The following WNT10B variants were observed in gnomAD, a reference collection of about 807,000 sequenced individuals.
The protein encoded by WNT10B is Wnt family member 10B.
A neutral mutation model predicts 32.7 loss-of-function variants in WNT10B; 26 were observed. That is an observed-to-expected ratio of 0.79 (90% confidence interval 0.58 to 1.10). The LOEUF is 1.10. Ranked by LOEUF, WNT10B falls within the 50% of genes least tolerant of loss-of-function variation. The pLI is 0.00. For synonymous variants in WNT10B, 204 were observed against 220.4 expected (o/e 0.93, Z 0.66); for missense variants, 474 against 532.5 (o/e 0.89, Z 1.08).
Position 48,970,144 on chromosome 12 carries a change from G to A in WNT10B, c.282C>T (p.Cys94=), listed in dbSNP as rs1940824144. The A allele has an allele frequency of 1.3e-6, 2 of 1,538,688 alleles. No homozygotes were observed. Among genetic ancestry groups the A allele is most frequent in the African/African-American group, 2.7e-5 (2 of 72,970 alleles). ...GGCGGCCGCCGCCCTCAAGCGCGGAGCAGTTCCAGCGCTGGTCGCGCAGCT... is the reference window on the plus strand; with the variant it reads ...GGCGGCCGCCGCCCTCAAGCGCGGAACAGTTCCAGCGCTGGTCGCGCAGCT... ...QHQLRDQRWN[C]SALEGGGRLP... is the part of the protein sequence containing the mutation. The change falls in exon 3 of 5, where the codon TGC becomes TGT. Residue 94 remains cysteine (C), a synonymous_variant. Coordinates refer to ENST00000301061, the MANE Select transcript of WNT10B (RefSeq NM_003394.4). The surrounding 1 kb of genome is among the most constrained non-coding windows in gnomAD (Gnocchi z 5.0).
At chr12:48,969,188 C>A in intron 3 of WNT10B, 1 of 466,920 alleles carries the variant, frequency 2.1e-6, no homozygotes, top group Non-Finnish European at 4.4e-6. Flanking sequence ...TAGGCAGGGG[C>A]TCTCCGGAGC....
At chr12:48,969,830 C>CG (rs1373780236) in intron 3 of WNT10B, among the ~76,000 whole-genome samples, 1 of 151,656 alleles carries the variant, frequency 6.6e-6, no homozygotes, top group Middle Eastern at 3.2e-3. Flanking sequence ...TTAAGCTGAG[C>CG]GGAGGCAGGA....
Position 48,970,102 on chromosome 12 carries a change from G to A in WNT10B, c.324C>T (p.Ala108=). Residue 108 remains alanine, a synonymous_variant, in exon 3 of 5, where the codon GCC becomes GCT. Coordinates refer to ENST00000301061, the MANE Select transcript of WNT10B (RefSeq NM_003394.4). This position sits in a 1 kb window ranked among gnomAD's most constrained non-coding sequence, Gnocchi z 5.0. The part of the protein sequence containing the change: ...EGGGRLPHHS[A]ILKRGFRESA... ...AGCCAGGCTCACCGCGCTTGAGGAT[G>A]GCGCTGTGGTGCGGCAGGCGGCCGC... The A allele has an allele frequency of 6.6e-7, 1 of 1,525,222 alleles. No individual in the cohort carries two copies. The highest frequency in any genetic ancestry group is 2.5e-5 in the East Asian group (1 of 40,534). The allele number at this position is 1,525,222 out of a possible 1,614,324, so 94.5% of individuals were successfully genotyped here.
At chr12:48,969,579 C>T (rs1940807793) in intron 3 of WNT10B, among the ~76,000 whole-genome samples, 1 of 152,178 alleles carries the variant, frequency 6.6e-6, no homozygotes, top group African/African-American at 2.4e-5. Context: ...GACTGGCTCC[C>T]CAGCTTCAAA....
At position 48,970,047 on chromosome 12, in the gene WNT10B, C is replaced by G. The variant is rs536898640; in HGVS notation, c.337+42G>C. 642 of 1,458,384 alleles carry G rather than the reference C, an allele frequency of 4.4e-4. No homozygotes were observed. The highest frequency in any genetic ancestry group is 2.6e-3 in the East Asian group (100 of 38,220). 90.3% of individuals were successfully genotyped at this position (1,458,384 alleles called of 1,614,324 possible). On this transcript the variant is annotated intron_variant, in intron 3 of 4. Coordinates refer to ENST00000301061, the MANE Select transcript of WNT10B (RefSeq NM_003394.4). This position sits in a 1 kb window ranked among gnomAD's most constrained non-coding sequence, Gnocchi z 5.0. ...GCGCGCCTCGCCCTGCCGCCCACCCCCTAGCCTCCGCGGCAGCGCCGACCC... is the reference window on the plus strand; with the variant it reads ...GCGCGCCTCGCCCTGCCGCCCACCCGCTAGCCTCCGCGGCAGCGCCGACCC...
In WNT10B at chr12:48,966,093, C is replaced by T; in HGVS notation, c.*2G>A. 1 of 1,613,656 alleles carries T rather than the reference C, an allele frequency of 6.2e-7. No individual in the cohort carries two copies. The highest frequency in any genetic ancestry group is 8.5e-7 in the Non-Finnish European group (1 of 1,180,010). ...TCCCCAGCCCCAAGGTAAGGCTGAC[C>T]CTCACTTACACACATTCACCCACTC... On this transcript the variant is annotated 3_prime_UTR_variant, in exon 5 of 5. Transcript: ENST00000301061.
chr12:48,966,035 G>T lies in WNT10B; in HGVS notation c.*60C>A. On this transcript the variant is annotated 3_prime_UTR_variant, in exon 5 of 5. Transcript: ENST00000301061. ...ACCTTGGAAGGAAATCAGAGCAAAGGGCTGAAAAGGCGCCCCTCTCACACA... is the reference window on the plus strand; with the variant it reads ...ACCTTGGAAGGAAATCAGAGCAAAGTGCTGAAAAGGCGCCCCTCTCACACA... 6.3e-7 allele frequency: 1 copy of T among 1,591,012 alleles called. No individual in the cohort carries two copies.
Position 48,970,678 on chromosome 12 carries a change from C to A in WNT10B, c.-40-109G>T. On this transcript the variant is annotated intron_variant, in intron 1 of 4. Coordinates refer to ENST00000301061, the MANE Select transcript of WNT10B (RefSeq NM_003394.4). This position sits in a 1 kb window ranked among gnomAD's most constrained non-coding sequence, Gnocchi z 5.0. ...ACCCACCGGTGCCACCCTACTGACC[C>A]TTCTCATTCCTCCTCAAACAAAACA... 1 of 744,552 alleles carries A rather than the reference C, an allele frequency of 1.3e-6. No individual in the cohort carries two copies. Among genetic ancestry groups the A allele is most frequent in the South Asian group, 1.8e-5 (1 of 56,498 alleles). The allele number at this position is 744,552 out of a possible 1,614,324, so 46.1% of individuals were successfully genotyped here.
Position 48,965,867 on chromosome 12 carries a change from A to C in WNT10B, c.*228T>G. ...TCATCTTAGTCCATTCAGGTGTCTA[A>C]GGAGCAGAAGAGGGGTGGCAGCTTC... On this transcript the variant is annotated 3_prime_UTR_variant, in exon 5 of 5. Coordinates refer to ENST00000301061, the MANE Select transcript of WNT10B (RefSeq NM_003394.4). The C allele has an allele frequency of 1.7e-6, 1 of 589,894 alleles. No individual in the cohort carries two copies. Among genetic ancestry groups the C allele is most frequent in the South Asian group, 2.0e-5 (1 of 49,932 alleles). The allele number at this position is 589,894 out of a possible 1,614,324, so 36.5% of individuals were successfully genotyped here.
intron 3 of WNT10B, among the ~76,000 whole-genome samples, chr12:48,969,405 C>A (rs754796737): frequency 2.6e-5 from 4 of 152,192 alleles, no homozygotes; most frequent in Non-Finnish European, 5.9e-5. Context: ...CTGGGCTGAG[C>A]CCCCATGGGT....
Position 48,970,196 on chromosome 12 carries a change from T to G in WNT10B, c.230A>C (p.His77Pro). 1 of 1,584,110 alleles carries G rather than the reference T, an allele frequency of 6.3e-7. No individual in the cohort carries two copies. The highest frequency in any genetic ancestry group is 8.6e-7 in the Non-Finnish European group (1 of 1,165,870). The change falls in exon 3 of 5, where the codon CAC becomes CCC. Residue 77 changes from histidine (H) to proline (P), a missense_variant. Physicochemically the swap from His to Pro is moderately conservative, Grantham distance 77. Transcript: ENST00000301061. The surrounding 1 kb of genome is among the most constrained non-coding windows in gnomAD (Gnocchi z 5.0). ...GTGCTGACACTCGTGGACCGCGATG[T>G]GCAGACCCTGAAGCGCGGACGCCGT... Reference protein sequence around the residue: ...DVTASALQGLHIAVHECQHQL... With the variant: ...DVTASALQGLPIAVHECQHQL...
rs1362886921 is a variant in WNT10B, at chr12:48,967,836, GGTGA to G, written c.711+106_711+109del. On this transcript the variant is annotated intron_variant, in intron 4 of 4. Coordinates refer to ENST00000301061, the MANE Select transcript of WNT10B (RefSeq NM_003394.4). ...AACTGAGGCTGGGTGACTTGCTGAT[GGTGA>G]GTGTCAGTCACTCATCACACTTTAT... 196 of 1,439,056 alleles carry G rather than the reference GGTGA, an allele frequency of 1.4e-4. 2 individuals are homozygous for G. The African/African-American group carries it at 2.5e-3, about 19-fold the overall frequency. 89.1% of individuals were successfully genotyped at this position (1,439,056 alleles called of 1,614,324 possible).
rs758375129 is a variant in WNT10B, at chr12:48,966,368, CAGACGGGGCTGGA to C, written c.884_896del (p.Phe295CysfsTer87). ...GCTCTCCTGAGAGGCGACGGGGACG[CAGACGGGGCTGGA>C]AGGCTCCAGAATTGCGGTTGTGGGT... On this transcript the variant is annotated frameshift_variant, in exon 5 of 5. Transcript: ENST00000301061. LOFTEE classifies it high-confidence loss of function. 3 of 1,614,220 alleles carry C rather than the reference CAGACGGGGCTGGA, an allele frequency of 1.9e-6. No individual in the cohort carries two copies. In the South Asian group the frequency reaches 3.3e-5, roughly 18 times the overall value.
At position 48,970,542 on chromosome 12, in the gene WNT10B, A is replaced by G; in HGVS notation, c.-13T>C. The G allele has an allele frequency of 6.4e-7, 1 of 1,568,534 alleles. No individual in the cohort carries two copies. ...GCTCCTCCAGCATGTCGAAGCCCGG[A>G]GGCTCCGGTGGGCAGATCGATCAGG... On this transcript the variant is annotated 5_prime_UTR_variant, in exon 2 of 5. Coordinates refer to ENST00000301061, the MANE Select transcript of WNT10B (RefSeq NM_003394.4). The surrounding 1 kb of genome is among the most constrained non-coding windows in gnomAD (Gnocchi z 5.0).
rs142647187 is a variant in WNT10B, at chr12:48,966,366, C to T, written c.899G>A (p.Arg300His). Residue 300 changes from arginine to histidine, a missense_variant, in exon 5 of 5, where the codon CGT (arginine) becomes CAT (histidine). Transcript: ENST00000301061. ...RNSGAFQPRL[R>H]PRRLSGELVY... ...CAGCTCTCCTGAGAGGCGACGGGGACGCAGACGGGGCTGGAAGGCTCCAGA... is the reference window on the plus strand; with the variant it reads ...CAGCTCTCCTGAGAGGCGACGGGGATGCAGACGGGGCTGGAAGGCTCCAGA... 49 of 1,614,070 alleles carry T rather than the reference C, an allele frequency of 3.0e-5. No homozygotes were observed. The highest frequency in any genetic ancestry group is 2.8e-4 in the African/African-American group (21 of 74,930).
Position 48,966,195 on chromosome 12 carries a change from C to T in WNT10B, c.1070G>A (p.Arg357Gln), listed in dbSNP as rs754186061. The T allele has an allele frequency of 2.7e-5, 44 of 1,613,616 alleles. No homozygotes were observed. The highest frequency in any genetic ancestry group is 3.3e-5 in the Non-Finnish European group (39 of 1,179,858). The change falls in exon 5 of 5, where the codon CGG becomes CAG. Residue 357 changes from arginine to glutamine, a missense_variant. Coordinates refer to ENST00000301061, the MANE Select transcript of WNT10B (RefSeq NM_003394.4). ...LCCGRGHNVL[R>Q]QTRVERCHCR... ...ATGGCAGCGCTCAACTCGTGTCTGC[C>T]GGAGCACGTTGTGCCCACGGCCACA...
At chr12:48,969,837 A>C (rs1443554426) in intron 3 of WNT10B, among the ~76,000 whole-genome samples, 3 of 151,784 alleles carry the variant, frequency 2.0e-5, no homozygotes, top group African/African-American at 7.3e-5. Context: ...GAGCGGAGGC[A>C]GGAAAGGGGG....
intron 4 of WNT10B, among the ~76,000 whole-genome samples, chr12:48,967,260 G>A (rs1217820042): frequency 4.6e-5 from 7 of 151,880 alleles, no homozygotes; most frequent in Non-Finnish European, 8.8e-5. Context: ...CTGCCTCCCA[G>A]GTTCAAGCGA....
Position 48,966,244 on chromosome 12 carries a change from A to G in WNT10B, c.1021T>C (p.Leu341=). 1 of 1,614,184 alleles carries G rather than the reference A, an allele frequency of 6.2e-7. No individual in the cohort carries two copies. The highest frequency in any genetic ancestry group is 1.1e-5 in the South Asian group (1 of 91,088). Residue 341 remains leucine, a synonymous_variant, in exon 5 of 5, where the codon TTG becomes CTG. Transcript: ENST00000301061. ...GRACNKTSRL[L]DGCGSLCCGR... ...CAGCACAGGCTGCCACAGCCATCCA[A>G]CAGGCGGCTGGTCTTGTTGCAGGCC... is the stretch of plus-strand genomic sequence containing the variant.
Sources: gnomAD v4.1 joint callset for allele counts (sites outside exome capture counted in the v4.1 genomes callset) on GRCh38, gnomAD v4.1.1 for gene constraint, Gnocchi (gnomAD v3.1) non-coding constraint, MANE v1.5 for transcripts, NCBI Gene and HGNC (gene_info 2026-07-23, HGNC 2026-07-21) for gene names.